SPICE1: variants seen among roughly 807,000 people sequenced by gnomAD.
SPICE1 encodes the protein spindle and centriole-associated protein 1.
SPICE1 carries 75 observed loss-of-function variants against 102.7 expected under a neutral mutation model. The observed-to-expected ratio is 0.73, with a 90% confidence interval of 0.61 to 0.88. The LOEUF is 0.88. SPICE1 is among the 40% of genes least tolerant of loss of function. The pLI is 0.00. For missense variants in SPICE1, 979 were observed against 1,020.1 expected (o/e 0.96, Z 0.55); for synonymous variants, 308 against 350.3 (o/e 0.88, Z 1.35).
At chr3:113,459,480 T>C (rs1296291937) in intron 12 of SPICE1, 2 of 978,360 alleles carry the variant, frequency 2.0e-6, no homozygotes, top group African/African-American at 1.8e-5. Context: ...AATTCTACAA[T>C]ATATTTACTC....
At chr3:113,460,359 T>G in intron 12 of SPICE1, 7 of 900,950 alleles carry the variant, frequency 7.8e-6, no homozygotes, top group Non-Finnish European at 9.3e-6. Context: ...ATAACACCAA[T>G]GGGGATAACA....
At chr3:113,476,831 C>A (rs1269955178) in intron 7 of SPICE1, among the ~76,000 whole-genome samples, 1 of 149,476 alleles carries the variant, frequency 6.7e-6, no homozygotes. Flanking sequence ...CCATAAAAAC[C>A]CTAGAAGAAA....
At chr3:113,513,410 C>G (rs184000529) in intron 1 of SPICE1, among the ~76,000 whole-genome samples, 209 of 152,214 alleles carry the variant, frequency 1.4e-3, no homozygotes, top group Admixed American at 3.3e-3. Context: ...GGCTCTGTCT[C>G]TTAAAATAAA....
At chr3:113,457,394 A>C (rs1935803341) in intron 12 of SPICE1, 37 bp from the exon 13 acceptor site, 1 of 1,596,792 alleles carries the variant, frequency 6.3e-7, no homozygotes, top group East Asian at 2.2e-5. Context: ...CAATAGGAAC[A>C]AAAAGAAACT....
At chr3:113,457,430 T>C in intron 12 of SPICE1, 73 bp from the exon 13 acceptor site, 1 of 1,475,104 alleles carries the variant, frequency 6.8e-7, no homozygotes, top group Non-Finnish European at 9.3e-7. Context: ...GTATTTATTC[T>C]TAAATGCATC....
intron 10 of SPICE1, among the ~76,000 whole-genome samples, chr3:113,466,141 CA>C (rs1349464030): frequency 3.3e-5 from 5 of 152,270 alleles, no homozygotes; most frequent in African/African-American, 9.6e-5. Context: ...AATAAGCAAA[CA>C]GGCTAGCTGG....
Position 113,446,684 on chromosome 3 carries a change from T to A in SPICE1, c.2427-8A>T. The A allele has an allele frequency of 6.2e-7, 1 of 1,607,098 alleles. No homozygotes were observed. The highest frequency in any genetic ancestry group is 8.5e-7 in the Non-Finnish European group (1 of 1,174,504). The stretch of plus-strand genomic sequence containing the variant: ...CCAGTAGCCCCGGAAGATCTATTCA[T>A]GAAAAATAAAACAGAGTAAGAGAGT... On this transcript the variant is annotated splice_polypyrimidine_tract_variant and splice_region_variant and intron_variant, in intron 16 of 17. Transcript: ENST00000295872.
At chr3:113,489,847 CAAAAA>C (rs35823502) in intron 6 of SPICE1, among the ~76,000 whole-genome samples, 1,221 of 80,156 alleles carry the variant, frequency 0.015, 19 homozygotes, top group African/African-American at 0.049. Context: ...GACCCTGTCT[CAAAAA>C]AAAAAAAAAA....
chr3:113,457,439 T>C (rs1576623981), intron 12 of SPICE1, 82 bp from the exon 13 acceptor site: 1 of 1,398,536 alleles, frequency 7.2e-7, no homozygotes, highest in South Asian at 1.3e-5. Flanking sequence ...CTTAAATGCA[T>C]CTCAGTAGAG....
chr3:113,479,031 T>C (rs189888918), intron 7 of SPICE1, among the ~76,000 whole-genome samples: 9 of 152,124 alleles, frequency 5.9e-5, no homozygotes, highest in African/African-American at 2.2e-4. Flanking sequence ...ATGTGCAAGT[T>C]AGTTACATAT....
chr3:113,468,428 A>G (rs1559962998), intron 9 of SPICE1, 24 bp from the exon 10 acceptor site: 1 of 1,597,112 alleles, frequency 6.3e-7, no homozygotes, highest in South Asian at 1.1e-5. Flanking sequence ...AAGTCATTCT[A>G]TTTTAAGACC....
At chr3:113,451,509 T>C (rs1935651579) in intron 14 of SPICE1, among the ~76,000 whole-genome samples, 1 of 152,216 alleles carries the variant, frequency 6.6e-6, no homozygotes, top group South Asian at 2.1e-4. Flanking sequence ...GAATTAAAGA[T>C]CATTTTGTAT....
At chr3:113,461,035 A>G (rs996161133) in intron 11 of SPICE1, among the ~76,000 whole-genome samples, 4 of 152,160 alleles carry the variant, frequency 2.6e-5, no homozygotes, top group African/African-American at 9.7e-5. Flanking sequence ...ATACCCTGCT[A>G]TAACAATAAG....
In SPICE1 at chr3:113,443,304, G is replaced by C. The variant is rs990697119; in HGVS notation, c.*2003C>G. ...GTGGCAGAAATGGCATTTGAGGCAA[G>C]ATTTCTGGTTTCAGTACTTGCATCC... On this transcript the variant is annotated 3_prime_UTR_variant, in exon 18 of 18. Coordinates refer to ENST00000295872, the MANE Select transcript of SPICE1 (RefSeq NM_144718.4). The C allele has an allele frequency of 2.0e-5, 3 of 152,222 alleles. No individual in the cohort carries two copies. Among genetic ancestry groups the C allele is most frequent in the African/African-American group, 7.2e-5 (3 of 41,458 alleles). 9.4% of individuals were successfully genotyped at this position (152,222 alleles called of 1,614,324 possible).
intron 3 of SPICE1, among the ~76,000 whole-genome samples, chr3:113,499,991 T>C (rs1442057221): frequency 6.6e-6 from 1 of 151,680 alleles, no homozygotes; most frequent in Non-Finnish European, 1.5e-5. Flanking sequence ...ATGTAAAAGG[T>C]ACAAAATCCA....
intron 2 of SPICE1, among the ~76,000 whole-genome samples, chr3:113,505,303 T>C (rs186953603): frequency 2.2e-4 from 33 of 148,516 alleles, no homozygotes; most frequent in Admixed American, 1.4e-3. Context: ...GGGGAAAATA[T>C]GTTATCACAT....
chr3:113,448,821 C>G (rs1935576299), intron 15 of SPICE1: 1 of 152,058 alleles, frequency 6.6e-6, no homozygotes, highest in Non-Finnish European at 1.5e-5. Context: ...CCCTAGAAAA[C>G]AAAAGAGGTT....
intron 11 of SPICE1, among the ~76,000 whole-genome samples, chr3:113,461,990 A>C (rs1054308319): frequency 1.3e-5 from 2 of 152,164 alleles, no homozygotes; most frequent in Admixed American, 6.5e-5. Flanking sequence ...TTCCTCCTCA[A>C]GCCTTGTTTA....
intron 5 of SPICE1, 31 bp from the exon 6 acceptor site, chr3:113,493,343 G>C (rs1370920522): frequency 6.4e-7 from 1 of 1,566,098 alleles, no homozygotes; most frequent in Admixed American, 1.7e-5. Context: ...GTGATGATTT[G>C]TTTCATTTAA....
Sources: gnomAD v4.1 joint callset for allele counts (sites outside exome capture counted in the v4.1 genomes callset) on GRCh38, gnomAD v4.1.1 for gene constraint, MANE v1.5 for transcripts, NCBI Gene and HGNC (gene_info 2026-07-23, HGNC 2026-07-21) for gene names.